SLC35F1: variants seen among roughly 807,000 people sequenced by gnomAD.
The protein encoded by SLC35F1 is chromosome 6 open reading frame 169.
Under a neutral mutation model 48.7 loss-of-function variants are expected in SLC35F1, and 14 were observed. The observed-to-expected ratio is 0.29, with a 90% confidence interval of 0.19 to 0.45. The LOEUF is 0.45. Among genes scored for constraint, SLC35F1 ranks in the 20% least tolerant of loss-of-function variants. The pLI, the probability that SLC35F1 is intolerant of heterozygous loss-of-function variation, is 1.00. For missense variants in SLC35F1, 404 were observed against 500.0 expected (o/e 0.81, Z 1.83); for synonymous variants, 190 against 202.2 (o/e 0.94, Z 0.51).
At chr6:117,952,075 T>C (rs1465975015) in intron 1 of SLC35F1, among the ~76,000 whole-genome samples, 3 of 152,192 alleles carry the variant, frequency 2.0e-5, no homozygotes, top group African/African-American at 7.2e-5. Flanking sequence ...AATGTATCTC[T>C]CTCATTTTGT....
intron 1 of SLC35F1, among the ~76,000 whole-genome samples, chr6:118,140,595 T>TTTG (rs1554230644): frequency 2.9e-3 from 302 of 102,884 alleles, no homozygotes; most frequent in African/African-American, 7.9e-3. Context: ...GTGTATTCCT[T>TTTG]ATATTTTTTT....
chr6:118,103,662 A>G (rs1450479021), intron 1 of SLC35F1, among the ~76,000 whole-genome samples: 1 of 152,228 alleles, frequency 6.6e-6, no homozygotes, highest in Admixed American at 6.5e-5. Context: ...TGCCAGCCAG[A>G]GCCCTATGAG....
chr6:118,101,758 T>G (rs1773260868), intron 1 of SLC35F1, among the ~76,000 whole-genome samples: 1 of 152,212 alleles, frequency 6.6e-6, no homozygotes, highest in African/African-American at 2.4e-5. Flanking sequence ...AAGCATGCTA[T>G]GCATGGATGG....
intron 1 of SLC35F1, among the ~76,000 whole-genome samples, chr6:117,997,528 T>G (rs997401569): frequency 1.3e-5 from 2 of 152,164 alleles, no homozygotes; most frequent in African/African-American, 4.8e-5. Context: ...CAGAGAGAAA[T>G]GTCAGGTTAC....
At chr6:118,001,361 A>G (rs1254865088) in intron 1 of SLC35F1, among the ~76,000 whole-genome samples, 8 of 152,230 alleles carry the variant, frequency 5.3e-5, no homozygotes, top group Non-Finnish European at 1.2e-4. Flanking sequence ...AGGATTCCCC[A>G]TTTAATAAAT....
At chr6:118,072,771 T>C (rs1228709910) in intron 1 of SLC35F1, among the ~76,000 whole-genome samples, 4 of 152,116 alleles carry the variant, frequency 2.6e-5, no homozygotes, top group African/African-American at 9.7e-5. Context: ...AGGGTTTTTA[T>C]TTGAGGTGTT....
chr6:117,958,067 T>A (rs995120628), intron 1 of SLC35F1, among the ~76,000 whole-genome samples: 2 of 152,206 alleles, frequency 1.3e-5, no homozygotes, highest in African/African-American at 4.8e-5. Flanking sequence ...AAGACAGTGA[T>A]ATTGATTATC....
intron 1 of SLC35F1, among the ~76,000 whole-genome samples, chr6:117,975,482 AT>A (rs570168201): frequency 1.3e-5 from 2 of 151,854 alleles, no homozygotes; most frequent in African/African-American, 4.8e-5. Flanking sequence ...TGCCTTGAAA[AT>A]TTTTTTTCAT....
intron 3 of SLC35F1, among the ~76,000 whole-genome samples, chr6:118,240,872 C>T (rs1775430583): frequency 6.6e-6 from 1 of 152,114 alleles, no homozygotes; most frequent in African/African-American, 2.4e-5. Context: ...AAGAGTGGCA[C>T]AAGATGGCGA....
intron 6 of SLC35F1, among the ~76,000 whole-genome samples, chr6:118,282,234 C>T (rs1027705483): frequency 6.6e-6 from 1 of 152,152 alleles, no homozygotes; most frequent in Admixed American, 6.5e-5. Flanking sequence ...TATCTAATGT[C>T]CATCTAAGAA....
intron 1 of SLC35F1, among the ~76,000 whole-genome samples, chr6:117,948,969 T>C (rs907356372): frequency 1.3e-5 from 2 of 152,010 alleles, no homozygotes; most frequent in African/African-American, 4.8e-5. Flanking sequence ...TTCAAAGACA[T>C]TTGGTGGATA....
At chr6:117,995,101 T>C (rs926016660) in intron 1 of SLC35F1, among the ~76,000 whole-genome samples, 1 of 152,204 alleles carries the variant, frequency 6.6e-6, no homozygotes, top group South Asian at 2.1e-4. Flanking sequence ...TTGAGTTTTC[T>C]CTTACTACTA....
At chr6:117,988,074 C>A (rs768609699) in intron 1 of SLC35F1, among the ~76,000 whole-genome samples, 3 of 152,110 alleles carry the variant, frequency 2.0e-5, no homozygotes, top group Non-Finnish European at 4.4e-5. Context: ...CTTTCTAGAG[C>A]AATCCAGTGG....
chr6:118,140,959 CA>C (rs1773880813), intron 1 of SLC35F1, among the ~76,000 whole-genome samples: 1 of 152,096 alleles, frequency 6.6e-6, no homozygotes, highest in Admixed American at 6.6e-5. Flanking sequence ...AGAGTCAAAA[CA>C]TTTTTAAAAA....
intron 1 of SLC35F1, among the ~76,000 whole-genome samples, chr6:118,088,489 A>G (rs1316915274): frequency 6.6e-6 from 1 of 152,316 alleles, no homozygotes; most frequent in South Asian, 2.1e-4. Flanking sequence ...CTTTCCTTTT[A>G]GGGTATCTCT....
chr6:118,001,752 A>T (rs1777099164), intron 1 of SLC35F1, among the ~76,000 whole-genome samples: 1 of 152,242 alleles, frequency 6.6e-6, no homozygotes, highest in African/African-American at 2.4e-5. Context: ...ACAAATTTAC[A>T]AGAAAAAAAC....
chr6:118,021,900 G>C (rs546331897), intron 1 of SLC35F1, among the ~76,000 whole-genome samples: 13 of 152,230 alleles, frequency 8.5e-5, no homozygotes, highest in Non-Finnish European at 1.8e-4. Context: ...TTGTCACTGG[G>C]GCCTCTGTCT....
chr6:118,133,508 G>C (rs1277936715), intron 1 of SLC35F1, among the ~76,000 whole-genome samples: 1 of 152,148 alleles, frequency 6.6e-6, no homozygotes, highest in East Asian at 1.9e-4. Flanking sequence ...TAATCATATT[G>C]ATAGAATAAA....
At chr6:118,258,243 C>A (rs57835145) in intron 3 of SLC35F1, among the ~76,000 whole-genome samples, 5,901 of 152,202 alleles carry the variant, frequency 0.039, 395 homozygotes, top group African/African-American at 0.13. Flanking sequence ...AGGCTAAAGT[C>A]TAACATTTAA....
Sources: allele counts gnomAD v4.1 joint callset (sites outside exome capture counted in the v4.1 genomes callset), GRCh38; gene constraint gnomAD v4.1.1; transcripts MANE v1.5; gene names NCBI Gene and HGNC (gene_info 2026-07-23, HGNC 2026-07-21).